The following MIGA1 variants were observed in gnomAD, a reference collection of about 807,000 sequenced individuals.
MIGA1 encodes mitoguardin 1.
Under a neutral mutation model 82.0 loss-of-function variants are expected in MIGA1, and 58 were observed. That is an observed-to-expected ratio of 0.71 (90% confidence interval 0.57 to 0.88). The LOEUF (loss-of-function observed/expected upper bound fraction) is 0.88. MIGA1 is among the 40% of genes least tolerant of loss of function. MIGA1 has a pLI of 0.00. For missense variants in MIGA1, 751 were observed against 749.1 expected (o/e 1.00, Z -0.03); for synonymous variants, 249 against 253.6 (o/e 0.98, Z 0.17).
At chr1:77,802,241 C>T (rs1190840831) in intron 3 of MIGA1, among the ~76,000 whole-genome samples, 1 of 152,158 alleles carries the variant, frequency 6.6e-6, no homozygotes, top group Admixed American at 6.6e-5. Context: ...GTGCAGTGAA[C>T]ATTGCAACAG....
intron 5 of MIGA1, among the ~76,000 whole-genome samples, chr1:77,813,168 GA>G (rs1026550264): frequency 1.3e-5 from 2 of 152,074 alleles, no homozygotes; most frequent in African/African-American, 4.8e-5. Flanking sequence ...TTTTAGTAGA[GA>G]TGGGGTTTTA....
intron 5 of MIGA1, among the ~76,000 whole-genome samples, chr1:77,808,264 A>G (rs1683184723): frequency 6.6e-6 from 1 of 151,916 alleles, no homozygotes; most frequent in African/African-American, 2.4e-5. Context: ...CACCAGATAA[A>G]GTAGGATAAT....
In MIGA1 at chr1:77,875,445, G is replaced by T; in HGVS notation, c.*381G>T. 5.8e-6 allele frequency: 1 copy of T among 173,794 alleles called. No homozygotes were observed. 10.8% of individuals were successfully genotyped at this position (173,794 alleles called of 1,614,324 possible). ...TGTACACTTTAGCCAAGGTCTTTGT[G>T]GCCCACACATGCAAGAATATATTAC... On this transcript the variant is annotated 3_prime_UTR_variant, in exon 16 of 16. Coordinates refer to ENST00000370791, the MANE Select transcript of MIGA1 (RefSeq NM_198549.4).
chr1:77,799,867 C>A (rs1035219957), intron 2 of MIGA1, among the ~76,000 whole-genome samples: 2 of 149,588 alleles, frequency 1.3e-5, no homozygotes, highest in Non-Finnish European at 3.0e-5. Flanking sequence ...AAAAAAAAAA[C>A]CAGCTGTTGG....
intron 7 of MIGA1, among the ~76,000 whole-genome samples, chr1:77,829,838 C>G (rs1684176605): frequency 6.6e-6 from 1 of 151,826 alleles, no homozygotes; most frequent in African/African-American, 2.4e-5. Context: ...TGCCTCAGCA[C>G]CTCTCTTTGA....
chr1:77,842,636 C>T (rs1285599561), intron 7 of MIGA1, among the ~76,000 whole-genome samples: 2 of 152,320 alleles, frequency 1.3e-5, no homozygotes, highest in East Asian at 1.9e-4. Flanking sequence ...CAACCTCCAC[C>T]TCCCGGGTTC....
intron 7 of MIGA1, among the ~76,000 whole-genome samples, chr1:77,833,027 G>A (rs1684298223): frequency 6.6e-6 from 1 of 152,204 alleles, no homozygotes; most frequent in South Asian, 2.1e-4. Context: ...CTAGAGAGAT[G>A]TTATTCTTCT....
intron 7 of MIGA1, among the ~76,000 whole-genome samples, chr1:77,838,855 C>T (rs1684526521): frequency 6.6e-6 from 1 of 152,176 alleles, no homozygotes; most frequent in South Asian, 2.1e-4. Flanking sequence ...TGAATGAATT[C>T]TGCATGTAAT....
chr1:77,813,823 A>G lies in MIGA1; in HGVS notation c.727A>G (p.Ile243Val). ...GGCTGAAGATGAAGCCTGTGGTTCCATTAAACTGGGTGCAGGAGATGCCAT... is the reference window on the plus strand; with the variant it reads ...GGCTGAAGATGAAGCCTGTGGTTCCGTTAAACTGGGTGCAGGAGATGCCAT... Residue 243 changes from isoleucine (I) to valine (V), a missense_variant, in exon 6 of 16, where the codon ATT becomes GTT. Coordinates refer to ENST00000370791, the MANE Select transcript of MIGA1 (RefSeq NM_198549.4). 3 of 1,614,238 alleles carry G rather than the reference A, an allele frequency of 1.9e-6. No homozygotes were observed. The highest frequency in any genetic ancestry group is 2.5e-6 in the Non-Finnish European group (3 of 1,180,040).
chr1:77,838,429 T>C (rs1272637177), intron 7 of MIGA1, among the ~76,000 whole-genome samples: 1 of 151,716 alleles, frequency 6.6e-6, no homozygotes, highest in Non-Finnish European at 1.5e-5. Flanking sequence ...TCAGGCTAAT[T>C]ACCTTCTATC....
intron 7 of MIGA1, among the ~76,000 whole-genome samples, chr1:77,834,422 C>G (rs1301446686): frequency 6.6e-6 from 1 of 152,106 alleles, no homozygotes; most frequent in Non-Finnish European, 1.5e-5. Flanking sequence ...GTGGTCCTCC[C>G]GCCTCAGCCT....
chr1:77,783,192 C>T (rs1208334532), intron 1 of MIGA1, 46 bp from the exon 2 acceptor site: 2 of 1,329,398 alleles, frequency 1.5e-6, no homozygotes, highest in African/African-American at 2.9e-5. Flanking sequence ...GGTAAAGTAA[C>T]CAGAAATCTT....
At chr1:77,799,117 G>A (rs564745101) in intron 2 of MIGA1, among the ~76,000 whole-genome samples, 29 of 152,032 alleles carry the variant, frequency 1.9e-4, no homozygotes, top group Admixed American at 1.5e-3. Flanking sequence ...ATATTTTGTG[G>A]AAGATTTTTT....
intron 13 of MIGA1, among the ~76,000 whole-genome samples, chr1:77,865,894 C>T (rs1405226056): frequency 6.6e-6 from 1 of 151,410 alleles, no homozygotes; most frequent in Non-Finnish European, 1.5e-5. Flanking sequence ...AATGTGAGGA[C>T]CCTGACTAGT....
chr1:77,861,920 CACCTGAG>C (rs1685469102), intron 12 of MIGA1: 1 of 150,518 alleles, frequency 6.6e-6, no homozygotes, highest in African/African-American at 2.5e-5. Flanking sequence ...GCGGGCGGAT[CACCTGAG>C]GTCAGGAGTT....
At chr1:77,789,355 T>C (rs1570919295) in intron 2 of MIGA1, among the ~76,000 whole-genome samples, 1 of 151,430 alleles carries the variant, frequency 6.6e-6, no homozygotes, top group East Asian at 1.9e-4. Flanking sequence ...ACTACAGGAG[T>C]GTACCAACAC....
At chr1:77,866,227 T>C (rs1685660987) in intron 13 of MIGA1, 111 bp from the exon 14 acceptor site, 2 of 960,816 alleles carry the variant, frequency 2.1e-6, no homozygotes, top group African/African-American at 1.7e-5. Flanking sequence ...CTAGTTCTTA[T>C]TAGTAATGAA....
chr1:77,829,531 C>T lies in MIGA1; in HGVS notation c.896-13776C>T, dbSNP rs903522823. On this transcript the variant is annotated intron_variant, in intron 7 of 15. Transcript: ENST00000370791. The stretch of plus-strand genomic sequence containing the variant: ...TCACCTAGGCTGGAGTGCCGCGGCG[C>T]GATCTCAGCTCACTGCAACCTTCAC... Among the ~76,000 whole-genome samples, 10 of 152,240 alleles carry T rather than the reference C, an allele frequency of 6.6e-5. No homozygotes were observed. The East Asian group carries it at 9.7e-4, about 15-fold the overall frequency.
At chr1:77,784,985 A>T (rs1682084090) in intron 2 of MIGA1, among the ~76,000 whole-genome samples, 1 of 152,058 alleles carries the variant, frequency 6.6e-6, no homozygotes, top group Non-Finnish European at 1.5e-5. Context: ...CTCCCACAAC[A>T]CGTGGGAATT....
Sources: allele counts gnomAD v4.1 joint callset (sites outside exome capture counted in the v4.1 genomes callset), GRCh38; gene constraint gnomAD v4.1.1; transcripts MANE v1.5; gene names NCBI Gene and HGNC (gene_info 2026-07-23, HGNC 2026-07-21).